DSP: variants seen among roughly 807,000 people sequenced by gnomAD.
DSP encodes desmoplakin, also known as 250/210 kDa paraneoplastic pemphigus antigen.
DSP carries 114 observed loss-of-function variants against 290.6 expected under a neutral mutation model. That is an observed-to-expected ratio of 0.39 (90% CI 0.34 to 0.46). The LOEUF is 0.46. DSP is among the 20% of genes least tolerant of loss of function. The pLI, the probability that DSP is intolerant of heterozygous loss-of-function variation, is 0.99. For synonymous variants in DSP, 1,311 were observed against 1,316.4 expected (o/e 1.00, Z 0.09); for missense variants, 3,230 against 3,495.8 (o/e 0.92, Z 1.92).
intron 18 of DSP, 98 bp downstream of exon 18, chr6:7,575,586 T>A: frequency 1.4e-6 from 2 of 1,460,404 alleles, no homozygotes; most frequent in Non-Finnish European, 1.9e-6. Context: ...AAACAGAGGT[T>A]TTGTTTTTTG....
At position 7,582,856 on chromosome 6, in the gene DSP, A is replaced by G. The variant is rs780714982; in HGVS notation, c.5594A>G (p.Asn1865Ser). Residue 1865 changes from asparagine (N) to serine (S), a missense_variant, in exon 24 of 24, where the codon AAT becomes AGT. Physicochemically the swap from Asn to Ser is conservative, Grantham distance 46. This residue lies in a region of DSP where 1,714 missense variants were observed against 1,844.5 expected (regional missense o/e 0.93). Coordinates refer to ENST00000379802, the MANE Select transcript of DSP (RefSeq NM_004415.4). This position sits in a 1 kb window ranked among gnomAD's most constrained non-coding sequence, Gnocchi z 4.2. ...CEKQQIQNDL[N>S]QWKTQYSRKE... ...AAACAGCAAATTCAGAATGACCTGA[A>G]TCAGTGGAAGACTCAATATTCCCGC... is the stretch of plus-strand genomic sequence containing the variant. 1.1e-5 allele frequency: 17 copies of G among 1,614,058 alleles called. 1 individual carries two copies. In the South Asian group the frequency reaches 1.6e-4, roughly 16 times the overall value.
intron 17 of DSP, among the ~76,000 whole-genome samples, 160 bp downstream of exon 17, chr6:7,574,955 T>A (rs1433340896): frequency 6.6e-6 from 1 of 152,238 alleles, no homozygotes; most frequent in Admixed American, 6.5e-5. Context: ...AACTCTGTTT[T>A]CCAGACTGTG....
chr6:7,543,385 T>C (rs952889702), intron 1 of DSP, among the ~76,000 whole-genome samples: 2 of 146,482 alleles, frequency 1.4e-5, no homozygotes, highest in Non-Finnish European at 3.0e-5. Flanking sequence ...CCTGAAAATC[T>C]ATTTTCGCTT....
Position 7,582,935 on chromosome 6 carries a change from G to A in DSP, c.5673G>A (p.Glu1891=). 6.2e-7 allele frequency: 1 copy of A among 1,614,016 alleles called. No homozygotes were observed. Among genetic ancestry groups the A allele is most frequent in the Non-Finnish European group, 8.5e-7 (1 of 1,179,982 alleles). Residue 1891 remains glutamate, a synonymous_variant, in exon 24 of 24, where the codon GAG becomes GAA. Coordinates refer to ENST00000379802, the MANE Select transcript of DSP (RefSeq NM_004415.4). The surrounding 1 kb of genome is among the most constrained non-coding windows in gnomAD (Gnocchi z 4.2). ...CGGAAAGAGAAAAGAGTGAGAGAGA[G>A]AAGAACAGTCTTAGGAGTGAGATCG... is the stretch of plus-strand genomic sequence containing the variant. ...IESEREKSER[E]KNSLRSEIER...
chr6:7,579,189 A>AT lies in DSP; in HGVS notation c.3085-84dup, dbSNP rs1212225908. The AT allele has an allele frequency of 2.6e-6, 4 of 1,552,312 alleles. No homozygotes were observed. ...TGTGTAAAGAGAAATAAGAATGCAC[A>AT]TTGGTCTGGGAGGGGAAAAGTACTG... On this transcript the variant is annotated intron_variant, in intron 22 of 23. Transcript: ENST00000379802. This position sits in a 1 kb window ranked among gnomAD's most constrained non-coding sequence, Gnocchi z 4.1.
At chr6:7,558,751 C>T (rs571862078) in intron 3 of DSP, among the ~76,000 whole-genome samples, 1 of 152,202 alleles carries the variant, frequency 6.6e-6, no homozygotes, top group East Asian at 1.9e-4. Flanking sequence ...TAGGCTCAAG[C>T]AATCCTCCGT....
At position 7,567,346 on chromosome 6, in the gene DSP, T is replaced by A. The variant is rs201633815; in HGVS notation, c.1045-8T>A. On this transcript the variant is annotated splice_polypyrimidine_tract_variant and splice_region_variant and intron_variant, in intron 8 of 23. Coordinates refer to ENST00000379802, the MANE Select transcript of DSP (RefSeq NM_004415.4). ...TAGGCTAAGACAGCTGACATTTTCT[T>A]GTTTCAGGCCTATATGGACACTCTG... is the stretch of plus-strand genomic sequence containing the variant. 1 of 1,613,038 alleles carries A rather than the reference T, an allele frequency of 6.2e-7. No individual in the cohort carries two copies. Among genetic ancestry groups the A allele is most frequent in the Non-Finnish European group, 8.5e-7 (1 of 1,179,166 alleles).
intron 1 of DSP, among the ~76,000 whole-genome samples, chr6:7,552,662 GT>G (rs67361560): frequency 2.3e-3 from 250 of 109,464 alleles, no homozygotes; most frequent in African/African-American, 6.1e-3. Flanking sequence ...GTTACCTGTT[GT>G]TTTTTTTTTT....
chr6:7,561,263 G>A (rs1031700145), intron 4 of DSP, among the ~76,000 whole-genome samples: 5 of 152,084 alleles, frequency 3.3e-5, no homozygotes, highest in African/African-American at 9.7e-5. Context: ...GTTTTATGTC[G>A]TTTTCTAACA....
intron 1 of DSP, among the ~76,000 whole-genome samples, chr6:7,554,206 G>A (rs1305730288): frequency 6.6e-6 from 1 of 151,646 alleles, no homozygotes; most frequent in Non-Finnish European, 1.5e-5. Context: ...ACTTCTTGTA[G>A]CACATCCGTG....
chr6:7,569,150 GA>G (rs1561688346), intron 11 of DSP, 35 bp from the exon 12 acceptor site: 1 of 1,613,878 alleles, frequency 6.2e-7, no homozygotes, highest in African/African-American at 1.3e-5. Context: ...ACATACTTAT[GA>G]ATAAAGCCAA....
At position 7,570,437 on chromosome 6, in the gene DSP, G is replaced by C; in HGVS notation, c.1575G>C (p.Lys525Asn). The C allele has an allele frequency of 6.2e-7, 1 of 1,614,144 alleles. No homozygotes were observed. Among genetic ancestry groups the C allele is most frequent in the Non-Finnish European group, 8.5e-7 (1 of 1,180,036 alleles). ...PNPLAVDLSCKIEQYYEAILA... is the reference protein window; with the variant it reads ...PNPLAVDLSCNIEQYYEAILA... ...CATGTTTTCCCTTTGTGCCTCTTAGGATTGAGCAGTACTACGAAGCCATCT... is the reference window on the plus strand; with the variant it reads ...CATGTTTTCCCTTTGTGCCTCTTAGCATTGAGCAGTACTACGAAGCCATCT... The change falls in exon 13 of 24, where the codon AAG becomes AAC. Residue 525 changes from lysine (K) to asparagine (N), a missense_variant and splice_region_variant. By Grantham distance (94) the Lys-to-Asn change is moderately conservative (BLOSUM62 0). Coordinates refer to ENST00000379802, the MANE Select transcript of DSP (RefSeq NM_004415.4).
In DSP at chr6:7,567,855, C is replaced by T. The variant is rs377500825; in HGVS notation, c.1215C>T (p.Cys405=). The T allele has an allele frequency of 8.7e-6, 14 of 1,613,912 alleles. No homozygotes were observed. The highest frequency in any genetic ancestry group is 1.7e-5 in the Admixed American group (1 of 60,002). Residue 405 remains cysteine (C), a synonymous_variant, in exon 10 of 24, where the codon TGC becomes TGT. Coordinates refer to ENST00000379802, the MANE Select transcript of DSP (RefSeq NM_004415.4). The part of the protein sequence containing the change: ...LQDSIRKKYP[C]DKNMPLQHLL... ...ACTCCATCAGGAAGAAGTACCCCTG[C>T]GACAAGAACATGCCCCTGCAGCACC...
Position 7,585,011 on chromosome 6 carries a change from C to T in DSP, c.7749C>T (p.Ser2583=). 2.5e-6 allele frequency: 4 copies of T among 1,614,214 alleles called. No individual in the cohort carries two copies. The highest frequency in any genetic ancestry group is 3.4e-6 in the Non-Finnish European group (4 of 1,180,040). Residue 2583 remains serine (S), a synonymous_variant, in exon 24 of 24, where the codon AGC becomes AGT. Coordinates refer to ENST00000379802, the MANE Select transcript of DSP (RefSeq NM_004415.4). ...MGSGVSDDVF[S]SSRHESVSKI... ...GTGGTGTCAGCGATGATGTTTTTAG[C>T]AGCTCCCGACATGAATCAGTAAGTA... is the stretch of plus-strand genomic sequence containing the variant.
At chr6:7,563,847 A>G (rs2113667058) in intron 6 of DSP, 61 bp downstream of exon 6, 1 of 1,465,762 alleles carries the variant, frequency 6.8e-7, no homozygotes, top group Non-Finnish European at 9.6e-7. Flanking sequence ...AATTCAGTTC[A>G]AGAAATATCA....
At chr6:7,576,042 T>C (rs567638045) in intron 18 of DSP, among the ~76,000 whole-genome samples, 2 of 152,310 alleles carry the variant, frequency 1.3e-5, no homozygotes, top group African/African-American at 4.8e-5. Flanking sequence ...TTTCATGTGT[T>C]TTTATGATTG....
At chr6:7,543,150 C>T (rs1415611006) in intron 1 of DSP, among the ~76,000 whole-genome samples, 1 of 152,056 alleles carries the variant, frequency 6.6e-6, no homozygotes, top group Non-Finnish European at 1.5e-5. Context: ...CGTTTTGCAG[C>T]CCGCCCCACC....
At position 7,581,521 on chromosome 6, in the gene DSP, G is replaced by A. The variant is rs2113696143; in HGVS notation, c.5331G>A (p.Arg1777=). 2 of 1,613,944 alleles carry A rather than the reference G, an allele frequency of 1.2e-6. No homozygotes were observed. The highest frequency in any genetic ancestry group is 4.5e-5 in the East Asian group (2 of 44,868). The stretch of plus-strand genomic sequence containing the variant: ...TGATTAATGATTTACAGAGAGAGAG[G>A]GAAAATTTGAGACAGGAAATTGAGA... ...QGLINDLQRE[R]ENLRQEIEKF... Residue 1777 remains arginine, a synonymous_variant, in exon 23 of 24, where the codon AGG becomes AGA. Coordinates refer to ENST00000379802, the MANE Select transcript of DSP (RefSeq NM_004415.4).
At position 7,584,546 on chromosome 6, in the gene DSP, A is replaced by G. The variant is rs1759565168; in HGVS notation, c.7284A>G (p.Gln2428=). The part of the protein sequence containing the change: ...PNTEENLTYL[Q]LKERCIKDEE... ...CTGAAGAAAATCTTACCTATCTGCA[A>G]CTAAAAGAAAGATGCATTAAGGATG... is the stretch of plus-strand genomic sequence containing the variant. The change falls in exon 24 of 24, where the codon CAA becomes CAG. Residue 2428 remains glutamine, a synonymous_variant. Transcript: ENST00000379802. The surrounding 1 kb of genome is among the most constrained non-coding windows in gnomAD (Gnocchi z 6.4). The G allele has an allele frequency of 1.2e-6, 2 of 1,614,058 alleles. No homozygotes were observed. Among genetic ancestry groups the G allele is most frequent in the South Asian group, 1.1e-5 (1 of 91,064 alleles).
Sources: gnomAD v4.1 joint callset for allele counts (sites outside exome capture counted in the v4.1 genomes callset) on GRCh38, gnomAD v4.1.1 for gene constraint, gnomAD v4.1.1 regional missense constraint, Gnocchi (gnomAD v3.1) non-coding constraint, MANE v1.5 for transcripts, NCBI Gene and HGNC (gene_info 2026-07-23, HGNC 2026-07-21) for gene names.